Variants in SEC24B observed in about 807,000 individuals in gnomAD.
SEC24B encodes protein transport protein Sec24B.
A neutral mutation model predicts 142.8 loss-of-function variants in SEC24B; 45 were observed. The ratio of observed to expected loss-of-function variants is 0.32; its 90% confidence interval spans 0.25 to 0.40. The LOEUF (loss-of-function observed/expected upper bound fraction) is 0.40. SEC24B is among the 10% of genes least tolerant of loss of function. The probability of loss-of-function intolerance (pLI) is 1.00; values close to 1 mark genes in which losing one functional copy is unlikely to be tolerated. For synonymous variants in SEC24B, 574 were observed against 568.2 expected, an observed-to-expected ratio of 1.01 and a Z score of -0.15; for missense variants, 1,409 against 1,526.8, an observed-to-expected ratio of 0.92 and a Z score of 1.29.
chr4:109,469,161 T>C (rs950938822), intron 2 of SEC24B, among the ~76,000 whole-genome samples: 2 of 152,174 alleles, frequency 1.3e-5, no homozygotes, highest in African/African-American at 2.4e-5. Context: ...GAATCATGAT[T>C]TCCTTCTCTT....
intron 22 of SEC24B, among the ~76,000 whole-genome samples, chr4:109,533,993 C>G (rs531868994): frequency 6.6e-6 from 1 of 151,672 alleles, no homozygotes; most frequent in Non-Finnish European, 1.5e-5. Context: ...TGGCTTCTTT[C>G]ACTTTCCTTA....
intron 1 of SEC24B, among the ~76,000 whole-genome samples, chr4:109,439,970 A>G (rs2125891075): frequency 6.6e-6 from 1 of 151,570 alleles, no homozygotes; most frequent in African/African-American, 2.4e-5. Flanking sequence ...AAATACAAAA[A>G]TTAGCCAGGC....
intron 6 of SEC24B, among the ~76,000 whole-genome samples, chr4:109,504,212 A>G (rs1012162202): frequency 1.3e-5 from 2 of 152,196 alleles, no homozygotes; most frequent in Non-Finnish European, 2.9e-5. Flanking sequence ...TTTCTTACAT[A>G]ACCACAATAC....
Position 109,468,000 on chromosome 4 carries a change from T to C in SEC24B, c.877+4356T>C, listed in dbSNP as rs1295918368. ...CCACTACACGCATGACACTAAGATA[T>C]AGTCACTGATAAGTTAATACTGTAT... On this transcript the variant is annotated intron_variant, in intron 2 of 23. Transcript: ENST00000265175. Among the ~76,000 whole-genome samples the C allele has an allele frequency of 1.3e-5, 2 of 152,328 alleles. 1 individual carries two copies. Among genetic ancestry groups the C allele is most frequent in the South Asian group, 4.1e-4 (2 of 4,834 alleles).
At chr4:109,495,683 G>T (rs576060586) in intron 6 of SEC24B, among the ~76,000 whole-genome samples, 1 of 152,250 alleles carries the variant, frequency 6.6e-6, no homozygotes, top group African/African-American at 2.4e-5. Context: ...TTATGCAAAT[G>T]AATTATCTTT....
intron 7 of SEC24B, 33 bp from the exon 8 acceptor site, chr4:109,509,976 T>G: frequency 7.5e-7 from 1 of 1,341,296 alleles, no homozygotes; most frequent in Non-Finnish European, 1.0e-6. Flanking sequence ...CTCTGATAGC[T>G]AATATCCTCC....
At chr4:109,466,497 G>A (rs1280213922) in intron 2 of SEC24B, among the ~76,000 whole-genome samples, 3 of 152,180 alleles carry the variant, frequency 2.0e-5, no homozygotes, top group African/African-American at 4.8e-5. Context: ...TGCAAGCTCC[G>A]CCTTCCAGGT....
rs115845223 is a variant in SEC24B at position 109,440,298 on chromosome 4, C to G, written c.133+6296C>G. ...TGTAGCAGTAATTAATTTTGTAAACCATATTCATTGCCACCACTAGTATTT... is the reference window on the plus strand; with the variant it reads ...TGTAGCAGTAATTAATTTTGTAAACGATATTCATTGCCACCACTAGTATTT... On this transcript the variant is annotated intron_variant, in intron 1 of 23. Coordinates refer to ENST00000265175, the MANE Select transcript of SEC24B (RefSeq NM_006323.5). Among the ~76,000 whole-genome samples the G allele has an allele frequency of 8.7e-3, 1,324 of 152,228 alleles. 24 individuals are homozygous for G. Among genetic ancestry groups the G allele is most frequent in the African/African-American group, 0.03 (1,264 of 41,528 alleles).
intron 5 of SEC24B, 130 bp from the exon 6 acceptor site, chr4:109,494,485 C>A: frequency 8.5e-7 from 1 of 1,172,012 alleles, no homozygotes; most frequent in Non-Finnish European, 1.2e-6. Context: ...TGTGTGTGTC[C>A]AAAATTTCTT....
chr4:109,489,111 A>G (rs1481904354), intron 4 of SEC24B, among the ~76,000 whole-genome samples: 2 of 152,072 alleles, frequency 1.3e-5, no homozygotes, highest in East Asian at 3.8e-4. Context: ...CTTAATTTTG[A>G]TGAAGTCCAA....
At chr4:109,528,118 C>T (rs1724465008) in intron 18 of SEC24B, among the ~76,000 whole-genome samples, 1 of 152,050 alleles carries the variant, frequency 6.6e-6, no homozygotes, top group Non-Finnish European at 1.5e-5. Context: ...CTGCATAGGC[C>T]AGGTGTGGTG....
chr4:109,526,793 G>A (rs144314472), intron 17 of SEC24B, among the ~76,000 whole-genome samples: 5 of 152,272 alleles, frequency 3.3e-5, no homozygotes, highest in South Asian at 2.1e-4. Context: ...GTGATATAGC[G>A]TATGTTCATA....
intron 11 of SEC24B, among the ~76,000 whole-genome samples, chr4:109,516,938 C>A (rs1219606695): frequency 2.0e-5 from 3 of 151,938 alleles, no homozygotes; most frequent in Non-Finnish European, 4.4e-5. Context: ...GCCAGTATAT[C>A]GGGAATCTGG....
At chr4:109,501,669 A>C (rs537759163) in intron 6 of SEC24B, among the ~76,000 whole-genome samples, 3 of 152,252 alleles carry the variant, frequency 2.0e-5, no homozygotes, top group African/African-American at 2.4e-5. Flanking sequence ...ATGGGGCTTT[A>C]CCATGTTGGC....
chr4:109,435,457 G>C lies in SEC24B; in HGVS notation c.133+1455G>C, dbSNP rs560558777. On this transcript the variant is annotated intron_variant, in intron 1 of 23. Coordinates refer to ENST00000265175, the MANE Select transcript of SEC24B (RefSeq NM_006323.5). ...TTAGTAAAAGAGCCCAAGTCTTTTA[G>C]AACATTGTAGACTCATGTTTACCAG... is the stretch of plus-strand genomic sequence containing the variant. 7.2e-5 allele frequency among the ~76,000 whole-genome samples: 11 copies of C among 152,336 alleles called. No individual in the cohort carries two copies. In the South Asian group the frequency reaches 2.3e-3, roughly 32 times the overall value.
Position 109,494,622 on chromosome 4 carries a change from T to C in SEC24B, c.1254T>C (p.Leu418=). 1 of 1,613,950 alleles carries C rather than the reference T, an allele frequency of 6.2e-7. No homozygotes were observed. Among genetic ancestry groups the C allele is most frequent in the Non-Finnish European group, 8.5e-7 (1 of 1,180,012 alleles). The change falls in exon 6 of 24, where the codon CTT becomes CTC. Residue 418 remains leucine (L), a synonymous_variant. Transcript: ENST00000265175. ...TGTGTTTCCATTTTTTAGATATGCT[T>C]TCTTCATCAGCAAGCAGTCCTGCTC... The part of the protein sequence containing the change: ...ALEGGSYPDM[L]SSSASSPAPD...
intron 1 of SEC24B, among the ~76,000 whole-genome samples, chr4:109,443,245 A>T (rs535136168): frequency 1.1e-4 from 17 of 152,274 alleles, no homozygotes; most frequent in Non-Finnish European, 1.9e-4. Flanking sequence ...CTTCCTGCAT[A>T]TTATTCTTGT....
At chr4:109,538,259 A>G (rs773767331) in intron 22 of SEC24B, among the ~76,000 whole-genome samples, 8 of 152,388 alleles carry the variant, frequency 5.2e-5, no homozygotes, top group Non-Finnish European at 1.0e-4. Flanking sequence ...CAAGAAAAAT[A>G]TAGTCAGTTA....
chr4:109,489,619 TTATAA>T (rs1033567898), intron 4 of SEC24B, among the ~76,000 whole-genome samples: 1 of 140,676 alleles, frequency 7.1e-6, no homozygotes, highest in African/African-American at 2.9e-5. Context: ...ATATTATATA[TTATAA>T]TATATATGGT....
Sources: allele counts gnomAD v4.1 joint callset (sites outside exome capture counted in the v4.1 genomes callset), GRCh38; gene constraint gnomAD v4.1.1; transcripts MANE v1.5; gene names NCBI Gene and HGNC (gene_info 2026-07-23, HGNC 2026-07-21).